Variants in MAPK10 observed in about 807,000 individuals in gnomAD.
MAPK10 encodes the protein mitogen-activated protein kinase 10.
Under a neutral mutation model 59.3 loss-of-function variants are expected in MAPK10, and 25 were observed. The observed-to-expected ratio is 0.42, with a 90% CI of 0.31 to 0.59. The LOEUF (loss-of-function observed/expected upper bound fraction) is 0.59. Ranked by LOEUF, MAPK10 falls within the 20% of genes least tolerant of loss-of-function variation. The probability of loss-of-function intolerance (pLI) is 0.15; values close to 1 mark genes in which losing one functional copy is unlikely to be tolerated. For missense variants in MAPK10, 351 were observed against 568.9 expected (o/e 0.62, Z 3.90); for synonymous variants, 190 against 200.5 (o/e 0.95, Z 0.44).
chr4:86,503,436 T>G (rs1159381482), intron 1 of MAPK10, among the ~76,000 whole-genome samples: 1 of 152,150 alleles, frequency 6.6e-6, no homozygotes, highest in Non-Finnish European at 1.5e-5. Context: ...GGGTACCAAC[T>G]GATAAATTTT....
At chr4:86,137,021 C>A (rs2062347765) in intron 4 of MAPK10, among the ~76,000 whole-genome samples, 1 of 151,614 alleles carries the variant, frequency 6.6e-6, no homozygotes. Flanking sequence ...ACAGGAGCAC[C>A]CAGATTCATA....
intron 4 of MAPK10, 102 bp from the exon 5 acceptor site, chr4:86,107,454 T>A: frequency 4.1e-6 from 6 of 1,473,668 alleles, no homozygotes; most frequent in Non-Finnish European, 5.4e-6. Context: ...TATTTCGGAA[T>A]CTTAGATACT....
upstream of MAPK10, among the ~76,000 whole-genome samples, chr4:86,455,852 T>C (rs898096730): frequency 6.6e-6 from 1 of 152,164 alleles, no homozygotes; most frequent in Non-Finnish European, 1.5e-5. Context: ...ATGCAGAATA[T>C]ACATTCTATT....
At chr4:86,332,611 T>C (rs1252569198) in intron 2 of MAPK10, 1 of 152,202 alleles carries the variant, frequency 6.6e-6, no homozygotes, top group Non-Finnish European at 1.5e-5. Flanking sequence ...CACATTTTTC[T>C]GAGCCCTGCC....
intron 2 of MAPK10, among the ~76,000 whole-genome samples, chr4:86,346,379 C>T (rs936057411): frequency 7.9e-5 from 12 of 152,104 alleles, no homozygotes; most frequent in Admixed American, 1.3e-4. Flanking sequence ...CCTATGGTAC[C>T]TAATACAAGG....
At chr4:86,368,844 A>C (rs1315738144) in intron 1 of MAPK10, among the ~76,000 whole-genome samples, 1 of 151,532 alleles carries the variant, frequency 6.6e-6, no homozygotes, top group East Asian at 2.0e-4. Flanking sequence ...GTCTATTGTA[A>C]AATAATATCA....
At chr4:86,385,993 A>G (rs1400467029) in intron 1 of MAPK10, among the ~76,000 whole-genome samples, 1 of 152,216 alleles carries the variant, frequency 6.6e-6, no homozygotes, top group Admixed American at 6.5e-5. Context: ...CATAAAAAAA[A>G]TTATTTAAAA....
intron 1 of MAPK10, among the ~76,000 whole-genome samples, chr4:86,506,269 T>C (rs1755730032): frequency 6.6e-6 from 1 of 152,128 alleles, no homozygotes; most frequent in Non-Finnish European, 1.5e-5. Context: ...AGGAGAAGAA[T>C]TTTCATGAGA....
intron 1 of MAPK10, among the ~76,000 whole-genome samples, chr4:86,590,442 TC>T (rs1480192142): frequency 6.6e-6 from 1 of 152,246 alleles, no homozygotes; most frequent in African/African-American, 2.4e-5. Context: ...AATTTTTAAA[TC>T]ATTTTATCAA....
At chr4:86,570,564 C>A (rs906624064) in intron 1 of MAPK10, among the ~76,000 whole-genome samples, 1 of 152,020 alleles carries the variant, frequency 6.6e-6, no homozygotes, top group Non-Finnish European at 1.5e-5. Context: ...TCTTGGCCTA[C>A]AAGTTCTAAA....
chr4:86,415,032 G>A (rs1316912035), intron 1 of MAPK10, among the ~76,000 whole-genome samples: 1 of 151,774 alleles, frequency 6.6e-6, no homozygotes, highest in African/African-American at 2.4e-5. Flanking sequence ...CAGCTACTCA[G>A]GGGAGACCGA....
intron 12 of MAPK10, among the ~76,000 whole-genome samples, chr4:86,030,623 G>A (rs978275679): frequency 3.3e-5 from 5 of 152,084 alleles, no homozygotes; most frequent in Admixed American, 6.6e-5. Context: ...GTGAGTCATC[G>A]CTCCTGGCCC....
intron 11 of MAPK10, chr4:86,044,490 T>C (rs10033283): frequency 0.12 from 42,924 of 359,734 alleles, 3,089 homozygotes; most frequent in African/African-American, 0.2. Flanking sequence ...ATTTGCCTAG[T>C]TATGTTTCAT....
At chr4:86,429,636 C>G (rs181248334) in intron 1 of MAPK10, 1 of 151,792 alleles carries the variant, frequency 6.6e-6, no homozygotes, top group African/African-American at 2.4e-5. Flanking sequence ...AACCCCACCT[C>G]TACAAAAAAT....
chr4:86,526,611 T>A (rs908192790), intron 1 of MAPK10, among the ~76,000 whole-genome samples: 1 of 152,202 alleles, frequency 6.6e-6, no homozygotes, highest in Non-Finnish European at 1.5e-5. Context: ...TCCTTTCTTC[T>A]GCTAGCTTTT....
rs1374339225 is a variant in MAPK10, at chr4:86,016,189, T to C, written c.*1039A>G. 1 of 152,196 alleles carries C rather than the reference T, an allele frequency of 6.6e-6. No individual in the cohort carries two copies. Among genetic ancestry groups the C allele is most frequent in the Non-Finnish European group, 1.5e-5 (1 of 68,056 alleles). The allele number at this position is 152,196 out of a possible 1,614,324, so 9.4% of individuals were successfully genotyped here. ...CCTTGCTTCACCACCTGCCACTTTC[T>C]CCAGTGGCCTCTTGTTGTGACCAGT... On this transcript the variant is annotated 3_prime_UTR_variant, in exon 14 of 14. Coordinates refer to ENST00000641462, the MANE Select transcript of MAPK10 (RefSeq NM_138982.4).
intron 2 of MAPK10, among the ~76,000 whole-genome samples, chr4:86,340,728 C>T (rs1478837333): frequency 6.6e-6 from 1 of 152,034 alleles, no homozygotes; most frequent in Non-Finnish European, 1.5e-5. Flanking sequence ...GACCTAATAC[C>T]AGATAGAGGA....
intron 2 of MAPK10, among the ~76,000 whole-genome samples, chr4:86,270,896 T>C (rs1385993501): frequency 6.6e-6 from 1 of 152,132 alleles, no homozygotes; most frequent in Non-Finnish European, 1.5e-5. Flanking sequence ...TCTAAATGAA[T>C]ATACTATAGT....
intron 1 of MAPK10, among the ~76,000 whole-genome samples, chr4:86,405,544 C>T (rs1197729779): frequency 6.6e-6 from 1 of 152,218 alleles, no homozygotes; most frequent in African/African-American, 2.4e-5. Context: ...TTGACACACA[C>T]ACATAAAATT....
Sources: allele counts gnomAD v4.1 joint callset (sites outside exome capture counted in the v4.1 genomes callset), GRCh38; gene constraint gnomAD v4.1.1; transcripts MANE v1.5; gene names NCBI Gene and HGNC (gene_info 2026-07-23, HGNC 2026-07-21).